The following MAGI1 variants were observed in gnomAD, a reference collection of about 807,000 sequenced individuals.
MAGI1 encodes the protein membrane associated guanylate kinase, WW and PDZ domain containing 1.
MAGI1 carries 58 observed loss-of-function variants against 139.9 expected under a neutral mutation model. That is an observed-to-expected ratio of 0.41 (90% CI 0.34 to 0.52). The LOEUF (loss-of-function observed/expected upper bound fraction) is 0.52. Ranked by LOEUF, MAGI1 falls within the 20% of genes least tolerant of loss-of-function variation. MAGI1 has a pLI of 0.12. For missense variants in MAGI1, 1,874 were observed against 1,901.6 expected, an observed-to-expected ratio of 0.99 and a Z score of 0.27; for synonymous variants, 812 against 737.9, an observed-to-expected ratio of 1.10 and a Z score of -1.63.
chr3:65,956,191 T>C (rs960645094), intron 1 of MAGI1, among the ~76,000 whole-genome samples: 5 of 152,176 alleles, frequency 3.3e-5, no homozygotes, highest in African/African-American at 1.2e-4. Context: ...TACAGCAATG[T>C]AGCTAGCCGC....
intron 12 of MAGI1, among the ~76,000 whole-genome samples, chr3:65,414,314 C>G (rs1042857988): frequency 3.3e-5 from 5 of 152,148 alleles, no homozygotes; most frequent in African/African-American, 1.2e-4. Flanking sequence ...TCTGGGTTAC[C>G]CCGATAACTT....
chr3:65,801,544 A>G (rs1347659123), intron 1 of MAGI1, among the ~76,000 whole-genome samples: 1 of 152,124 alleles, frequency 6.6e-6, no homozygotes, highest in Non-Finnish European at 1.5e-5. Flanking sequence ...CTCCATTATC[A>G]AGATCTGAGG....
At chr3:65,693,976 C>T (rs996765276) in intron 1 of MAGI1, among the ~76,000 whole-genome samples, 1 of 152,130 alleles carries the variant, frequency 6.6e-6, no homozygotes, top group African/African-American at 2.4e-5. Flanking sequence ...CCACCTCGAC[C>T]TCCCGAAGTG....
At chr3:65,361,834 T>C (rs1465593965) in intron 21 of MAGI1, among the ~76,000 whole-genome samples, 1 of 152,230 alleles carries the variant, frequency 6.6e-6, no homozygotes, top group African/African-American at 2.4e-5. Flanking sequence ...TGGAGTCCCA[T>C]GATAATGAAA....
At chr3:65,812,468 TCA>T (rs1553711393) in intron 1 of MAGI1, among the ~76,000 whole-genome samples, 16 of 89,050 alleles carry the variant, frequency 1.8e-4, no homozygotes, top group African/African-American at 2.2e-4. Flanking sequence ...TCTCTCTCTC[TCA>T]CACACACACA....
intron 9 of MAGI1, among the ~76,000 whole-genome samples, chr3:65,438,563 T>C (rs1205333575): frequency 2.0e-5 from 3 of 152,202 alleles, no homozygotes; most frequent in Non-Finnish European, 2.9e-5. Context: ...CTAAGGTAGA[T>C]AACATTTCAA....
At chr3:65,762,174 G>T (rs1188923964) in intron 1 of MAGI1, among the ~76,000 whole-genome samples, 3 of 152,124 alleles carry the variant, frequency 2.0e-5, no homozygotes, top group Non-Finnish European at 4.4e-5. Flanking sequence ...TGCCAGGAGG[G>T]CAGTCTATGA....
chr3:65,585,543 T>C (rs975468585), intron 2 of MAGI1, among the ~76,000 whole-genome samples: 1 of 152,206 alleles, frequency 6.6e-6, no homozygotes, highest in Non-Finnish European at 1.5e-5. Context: ...ATGCAGAGCT[T>C]CTGTAACTCT....
chr3:65,793,299 A>T (rs1037815367), intron 1 of MAGI1, among the ~76,000 whole-genome samples: 3 of 152,116 alleles, frequency 2.0e-5, no homozygotes, highest in African/African-American at 7.2e-5. Context: ...TCATAAGATT[A>T]TTCAGGCCCT....
chr3:65,788,286 T>C (rs1317738542), intron 1 of MAGI1, among the ~76,000 whole-genome samples: 3 of 152,224 alleles, frequency 2.0e-5, no homozygotes, highest in Non-Finnish European at 4.4e-5. Flanking sequence ...CGCTTTCTCA[T>C]CCCAATCTTA....
intron 1 of MAGI1, among the ~76,000 whole-genome samples, chr3:65,725,576 G>A (rs912115955): frequency 2.0e-5 from 3 of 152,148 alleles, no homozygotes; most frequent in African/African-American, 7.2e-5. Flanking sequence ...AACTAAGGCT[G>A]GCAAGTAGGC....
chr3:65,998,346 G>A (rs2066567199), intron 1 of MAGI1, among the ~76,000 whole-genome samples: 1 of 152,156 alleles, frequency 6.6e-6, no homozygotes, highest in Non-Finnish European at 1.5e-5. Flanking sequence ...ACTTCATGCT[G>A]AATGCCACAC....
At position 65,429,607 on chromosome 3, in the gene MAGI1, C is replaced by G; in HGVS notation, c.2080G>C (p.Val694Leu). 4 of 1,613,980 alleles carry G rather than the reference C, an allele frequency of 2.5e-6. No homozygotes were observed. Among genetic ancestry groups the G allele is most frequent in the Non-Finnish European group, 3.4e-6 (4 of 1,179,936 alleles). Residue 694 changes from valine (V) to leucine (L), a missense_variant, in exon 12 of 23, where the codon GTG (valine) becomes CTG (leucine). Val to Leu is a conservative substitution (Grantham distance 32). This residue lies in a region of MAGI1 where 482 missense variants were observed against 509.6 expected (regional missense o/e 0.95). Transcript: ENST00000402939. ...DLIVEVNKKNVQALTHNQVVD... is the reference protein window; with the variant it reads ...DLIVEVNKKNLQALTHNQVVD... ...ACTTGGTTGTGAGTTAGGGCCTGCA[C>G]GTTCTTCTTATTAACTTCCACTATG...
At chr3:65,843,339 G>A (rs895881097) in intron 1 of MAGI1, among the ~76,000 whole-genome samples, 11 of 152,148 alleles carry the variant, frequency 7.2e-5, no homozygotes, top group African/African-American at 2.7e-4. Flanking sequence ...CACCATCCCA[G>A]GCAAGTTTTC....
chr3:65,744,599 A>C (rs2035541643), intron 1 of MAGI1, among the ~76,000 whole-genome samples: 1 of 152,218 alleles, frequency 6.6e-6, no homozygotes, highest in Non-Finnish European at 1.5e-5. Context: ...GAATTAAAGA[A>C]GATATAGACT....
At chr3:65,411,190 T>C (rs192538953) in intron 12 of MAGI1, among the ~76,000 whole-genome samples, 1 of 152,324 alleles carries the variant, frequency 6.6e-6, no homozygotes, top group East Asian at 1.9e-4. Flanking sequence ...TCTAACTTTA[T>C]GTAAGTTAAA....
At chr3:65,853,897 G>C (rs2059289391) in intron 1 of MAGI1, among the ~76,000 whole-genome samples, 1 of 152,096 alleles carries the variant, frequency 6.6e-6, no homozygotes. Flanking sequence ...CTGAGGTTGG[G>C]AGTTGGAGAC....
chr3:65,522,717 C>T (rs1315025046), intron 2 of MAGI1, among the ~76,000 whole-genome samples: 3 of 152,132 alleles, frequency 2.0e-5, no homozygotes, highest in South Asian at 2.1e-4. Context: ...ACTTTTAGCT[C>T]CCCACAAACC....
intron 1 of MAGI1, among the ~76,000 whole-genome samples, chr3:65,943,251 C>T (rs1486086268): frequency 6.6e-6 from 1 of 152,022 alleles, no homozygotes. Context: ...CTTTTTCTCT[C>T]TGAACCTTCA....
Sources: allele counts gnomAD v4.1 joint callset (sites outside exome capture counted in the v4.1 genomes callset), GRCh38; gene constraint gnomAD v4.1.1; regional missense constraint gnomAD v4.1.1; transcripts MANE v1.5; gene names NCBI Gene and HGNC (gene_info 2026-07-23, HGNC 2026-07-21).